LINGO2: variants seen among roughly 807,000 people sequenced by gnomAD.
LINGO2 encodes leucine rich repeat and Ig domain containing 2.
LINGO2 carries 14 observed loss-of-function variants against 30.6 expected under a neutral mutation model. The ratio of observed to expected loss-of-function variants is 0.46; its 90% CI spans 0.30 to 0.72. The LOEUF is 0.72. Among genes scored for constraint, LINGO2 ranks in the 30% least tolerant of loss-of-function variants. LINGO2 has a pLI of 0.07. For synonymous variants in LINGO2, 317 were observed against 288.5 expected (o/e 1.10, Z -1.00); for missense variants, 729 against 751.7 (o/e 0.97, Z 0.35).
chr9:28,860,368 T>C, the LINGO2 span, among the ~76,000 whole-genome samples: 358 of 152,180 alleles, frequency 2.4e-3, 4 homozygotes, highest in Middle Eastern at 0.027. Context: ...GCCTCACCTA[T>C]AAGTTGAAAT....
the LINGO2 span, among the ~76,000 whole-genome samples, chr9:29,122,502 T>G: frequency 6.6e-6 from 1 of 151,958 alleles, no homozygotes; most frequent in Non-Finnish European, 1.5e-5. Flanking sequence ...TGTGTTAAGA[T>G]AGCATCACGT....
intron 5 of LINGO2, among the ~76,000 whole-genome samples, chr9:27,954,906 G>T (rs1223334763): frequency 6.6e-6 from 1 of 152,082 alleles, no homozygotes; most frequent in Non-Finnish European, 1.5e-5. Flanking sequence ...ATCCTTACCA[G>T]CATAAATTAT....
intron 4 of LINGO2, among the ~76,000 whole-genome samples, chr9:28,120,080 C>T (rs149345427): frequency 3.3e-4 from 50 of 152,168 alleles, no homozygotes; most frequent in African/African-American, 7.5e-4. Flanking sequence ...AAAGGTAATA[C>T]GGCAACTTAA....
chr9:28,201,990 C>T (rs1820253302), intron 4 of LINGO2, among the ~76,000 whole-genome samples: 1 of 152,000 alleles, frequency 6.6e-6, no homozygotes, highest in Non-Finnish European at 1.5e-5. Context: ...CCTTCTGGGC[C>T]CTATTCTATG....
At chr9:27,981,570 G>GAAAAAAAAATA (rs1554649013) in intron 5 of LINGO2, among the ~76,000 whole-genome samples, 1 of 101,486 alleles carries the variant, frequency 9.9e-6, no homozygotes. Context: ...GAAAAAAAAA[G>GAAAAAAAAATA]AAAAAAAAAA....
At chr9:27,977,662 C>T (rs1421058528) in intron 5 of LINGO2, among the ~76,000 whole-genome samples, 1 of 151,784 alleles carries the variant, frequency 6.6e-6, no homozygotes, top group African/African-American at 2.4e-5. Flanking sequence ...AAATATTTTA[C>T]TACTGTGTTA....
intron 1 of LINGO2, among the ~76,000 whole-genome samples, chr9:28,590,699 C>T (rs1333740498): frequency 6.6e-6 from 1 of 152,146 alleles, no homozygotes; most frequent in African/African-American, 2.4e-5. Context: ...AACACTTTTA[C>T]ACTGTTGGCG....
intron 3 of LINGO2, among the ~76,000 whole-genome samples, chr9:28,300,788 G>C (rs112159262): frequency 0.017 from 2,527 of 150,626 alleles, 83 homozygotes; most frequent in African/African-American, 0.059. Context: ...CACTTAGTTC[G>C]TGTTCAAGTA....
chr9:28,672,673 A>G (rs746933894), upstream of LINGO2, among the ~76,000 whole-genome samples: 1 of 152,180 alleles, frequency 6.6e-6, no homozygotes, highest in Non-Finnish European at 1.5e-5. Flanking sequence ...GTTTTAAAAT[A>G]TATATGGAAT....
intron 4 of LINGO2, among the ~76,000 whole-genome samples, chr9:28,249,774 TA>T (rs1587324056): frequency 6.6e-6 from 1 of 152,318 alleles, no homozygotes; most frequent in East Asian, 1.9e-4. Flanking sequence ...TAGTCAGAAG[TA>T]AAAATTCTTC....
intron 1 of LINGO2, among the ~76,000 whole-genome samples, chr9:28,658,677 A>G (rs1828461837): frequency 6.6e-6 from 1 of 152,096 alleles, no homozygotes; most frequent in Non-Finnish European, 1.5e-5. Context: ...TTTTTAATAC[A>G]ATCCACTAAT....
At chr9:29,091,590 T>C in the LINGO2 span, among the ~76,000 whole-genome samples, 11 of 152,112 alleles carry the variant, frequency 7.2e-5, no homozygotes, top group East Asian at 9.7e-4. Context: ...AAATGAAGCC[T>C]CCTTTGCAGT....
At chr9:28,750,770 T>C in the LINGO2 span, among the ~76,000 whole-genome samples, 1 of 152,072 alleles carries the variant, frequency 6.6e-6, no homozygotes, top group Non-Finnish European at 1.5e-5. Context: ...TAAGATCATG[T>C]ACAACAAGTT....
In LINGO2 at chr9:28,613,146, C is replaced by A. The variant is rs117366696; in HGVS notation, c.-365+57054G>T. On this transcript the variant is annotated intron_variant, in intron 1 of 5. Transcript: ENST00000379992. ...CCTGAGACTCCGCAGCCACGGTGAA[C>A]TGTGAGTCAATTAAACTTCTTTTCT... Among the ~76,000 whole-genome samples, 90 of 152,208 alleles carry A rather than the reference C, an allele frequency of 5.9e-4. 2 individuals are homozygous for A. The East Asian group carries it at 0.017, about 28-fold the overall frequency.
chr9:28,136,361 C>T (rs1827517056), intron 4 of LINGO2, among the ~76,000 whole-genome samples: 1 of 152,206 alleles, frequency 6.6e-6, no homozygotes, highest in Non-Finnish European at 1.5e-5. Flanking sequence ...CTATACAGGA[C>T]ACTATCCAGG....
intron 3 of LINGO2, among the ~76,000 whole-genome samples, chr9:28,346,201 C>T (rs1255622140): frequency 6.6e-6 from 1 of 152,110 alleles, no homozygotes. Flanking sequence ...CTACTTCCTC[C>T]CACCCTCAGT....
the LINGO2 span, among the ~76,000 whole-genome samples, chr9:28,865,717 G>A: frequency 6.6e-6 from 1 of 152,182 alleles, no homozygotes; most frequent in Non-Finnish European, 1.5e-5. Flanking sequence ...CCGGGAGGCA[G>A]AGGTTGCAGT....
At chr9:29,079,460 T>C in the LINGO2 span, among the ~76,000 whole-genome samples, 1 of 152,114 alleles carries the variant, frequency 6.6e-6, no homozygotes, top group East Asian at 1.9e-4. Flanking sequence ...ATAGACATTG[T>C]GATATTAATA....
the LINGO2 span, among the ~76,000 whole-genome samples, chr9:28,768,654 A>C: frequency 1.4e-5 from 2 of 139,956 alleles, no homozygotes; most frequent in African/African-American, 5.5e-5. Flanking sequence ...ACACACACAC[A>C]GTCTCTCCCT....
Sources: allele counts gnomAD v4.1 joint callset (sites outside exome capture counted in the v4.1 genomes callset), GRCh38; gene constraint gnomAD v4.1.1; transcripts MANE v1.5; gene names NCBI Gene and HGNC (gene_info 2026-07-23, HGNC 2026-07-21).